DNASE1: variants seen among roughly 807,000 people sequenced by gnomAD.
The protein encoded by DNASE1 is deoxyribonuclease 1.
DNASE1 carries 40 observed loss-of-function variants against 33.9 expected under a neutral mutation model. The ratio of observed to expected loss-of-function variants is 1.18; its 90% CI spans 0.92 to 1.54. DNASE1 has a LOEUF of 1.54. DNASE1 is among the 40% of genes most tolerant of loss of function. The pLI is 0.00. For missense variants in DNASE1, 518 were observed against 372.6 expected (o/e 1.39, Z -3.21); for synonymous variants, 216 against 160.0 (o/e 1.35, Z -2.64).
downstream of DNASE1, chr16:3,658,798 C>T (rs551502208): frequency 6.8e-6 from 11 of 1,613,676 alleles, no homozygotes; most frequent in Non-Finnish European, 9.3e-6. Flanking sequence ...CTCACCTGAT[C>T]CACCAGCAGC....
At chr16:3,643,975 A>ATGGTCTCGATCTCCTGACCT (rs2042098016) in intron 1 of DNASE1, among the ~76,000 whole-genome samples, 1 of 151,656 alleles carries the variant, frequency 6.6e-6, no homozygotes, top group Non-Finnish European at 1.5e-5. Context: ...GTTAGCCAGG[A>ATGGTCTCGATCTCCTGACCT]TGTGATTTGC....
rs562614832 is a variant in DNASE1 at position 3,633,878 on chromosome 16, G to A, written c.-1358-6837G>A. On this transcript the variant is annotated intron_variant and NMD_transcript_variant, in intron 1 of 11. Transcript: ENST00000570769. ...GGCTGAAGTGCGGTGGCTCGATCTC[G>A]GCTCACTGCAAGCTCTGGATTCCGG... 5.3e-5 allele frequency among the ~76,000 whole-genome samples: 8 copies of A among 151,828 alleles called. No homozygotes were observed. The South Asian group carries it at 1.3e-3, about 24-fold the overall frequency.
At position 3,654,726 on chromosome 16, in the gene DNASE1, G is replaced by T; in HGVS notation, c.-320G>T. On this transcript the variant is annotated 5_prime_UTR_variant, in exon 1 of 9. Transcript: ENST00000246949. ...CAGCAGCAAGAAACCTGTGCTTACA[G>T]AAAGAAACACGTGCTAGCAACCCAC... is the stretch of plus-strand genomic sequence containing the variant. 1 of 394,238 alleles carries T rather than the reference G, an allele frequency of 2.5e-6. No individual in the cohort carries two copies. The highest frequency in any genetic ancestry group is 4.4e-6 in the Non-Finnish European group (1 of 225,168). 24.4% of individuals were successfully genotyped at this position (394,238 alleles called of 1,614,324 possible). A position where few individuals can be genotyped will look rare whatever the true frequency, so the allele number is the denominator to read the frequency against.
chr16:3,656,792 G>C (rs747880007), intron 5 of DNASE1, 39 bp downstream of exon 5: 4 of 1,566,100 alleles, frequency 2.6e-6, no homozygotes, highest in South Asian at 1.2e-5. Flanking sequence ...TCGGCTTGGC[G>C]CTTATGGCCT....
chr16:3,643,854 C>T (rs911967315), intron 1 of DNASE1, among the ~76,000 whole-genome samples: 6 of 152,108 alleles, frequency 3.9e-5, no homozygotes, highest in Non-Finnish European at 5.9e-5. Flanking sequence ...CTCTGCCATC[C>T]GGGTTCACGC....
downstream of DNASE1, chr16:3,659,052 G>C: frequency 1.6e-6 from 1 of 608,274 alleles, no homozygotes; most frequent in Admixed American, 3.3e-5. Context: ...AGAGAATCAG[G>C]AGTGTCAGTA....
At chr16:3,663,518 G>A (rs2050740729) in exon 10 of DNASE1, 2 of 1,614,070 alleles carry the variant, frequency 1.2e-6, no homozygotes, top group East Asian at 2.2e-5. Context: ...ACTCACGAAG[G>A]TGCAGCAGGG....
chr16:3,657,470 A>G, intron 7 of DNASE1, 129 bp downstream of exon 7: 1 of 1,350,520 alleles, frequency 7.4e-7, no homozygotes, highest in Non-Finnish European at 1.0e-6. Flanking sequence ...GATCCACTAC[A>G]GGGAACAGAA....
At position 3,644,863 on chromosome 16, in the gene DNASE1, T is replaced by A. The variant is rs2042127152; in HGVS notation, c.-86+1827T>A. Among the ~76,000 whole-genome samples the A allele has an allele frequency of 2.0e-5, 3 of 152,140 alleles. No homozygotes were observed. The South Asian group carries it at 6.2e-4, about 32-fold the overall frequency. On this transcript the variant is annotated intron_variant, in intron 1 of 9. Coordinates refer to the DNASE1 transcript ENST00000407479. ...ACATAGTGGGGCTTGGCATGGTGGC[T>A]CACGCCTGTAATCCCAGCACTTTGG...
intron 1 of DNASE1, among the ~76,000 whole-genome samples, chr16:3,637,742 C>G (rs1018627687): frequency 6.6e-6 from 1 of 152,170 alleles, no homozygotes; most frequent in Non-Finnish European, 1.5e-5. Context: ...TTTCTCTGAT[C>G]TTGACTGTGA....
intron 1 of DNASE1, among the ~76,000 whole-genome samples, chr16:3,619,918 T>C (rs1739758807): frequency 7.6e-6 from 1 of 131,494 alleles, no homozygotes; most frequent in Admixed American, 7.9e-5. Flanking sequence ...ATGGCTTTTC[T>C]TTTTTTTTTT....
chr16:3,661,060 T>C (rs1466684910), downstream of DNASE1: 3 of 152,210 alleles, frequency 2.0e-5, no homozygotes, highest in East Asian at 1.9e-4. Flanking sequence ...ACATTCAAAA[T>C]TTCCCCCAAA....
At chr16:3,623,230 T>G (rs766431870) in intron 1 of DNASE1, among the ~76,000 whole-genome samples, 1 of 152,096 alleles carries the variant, frequency 6.6e-6, no homozygotes, top group Non-Finnish European at 1.5e-5. Flanking sequence ...TTGACAAATA[T>G]GCAGTGGGGG....
At chr16:3,652,876 A>C (rs1431001034), upstream of DNASE1, 1 of 152,298 alleles carries the variant, frequency 6.6e-6, no homozygotes, top group Non-Finnish European at 1.5e-5. Flanking sequence ...CTCATACCTG[A>C]ATCCCGCCTG....
chr16:3,653,806 CAAAAAAAAAAAAAAAAAAA>C (rs71133649), upstream of DNASE1: 11 of 37,040 alleles, frequency 3.0e-4, no homozygotes, highest in African/African-American at 9.9e-4. Context: ...GATTCCGCCT[CAAAAAAAAAAAAAAAAAAA>C]AAAAAAAAAA....
Position 3,621,555 on chromosome 16 carries a change from A to G in DNASE1, c.-1359+9549A>G, listed in dbSNP as rs564793672. 6.6e-5 allele frequency among the ~76,000 whole-genome samples: 10 copies of G among 152,326 alleles called. No individual in the cohort carries two copies. The South Asian group carries it at 2.1e-3, about 32-fold the overall frequency. On this transcript the variant is annotated intron_variant and NMD_transcript_variant, in intron 1 of 11. Transcript: ENST00000570769. ...TGTGCACATACAAATATAAATATAT[A>G]TCCCTGCTTTTCCCCAATGTAAATA...
upstream of DNASE1, among the ~76,000 whole-genome samples, chr16:3,638,730 C>G (rs1020091757): frequency 3.9e-5 from 6 of 152,180 alleles, no homozygotes; most frequent in Non-Finnish European, 5.9e-5. Flanking sequence ...ATATTTCTGT[C>G]TCCTCTTTGT....
chr16:3,627,343 A>T (rs1296741467), intron 1 of DNASE1, among the ~76,000 whole-genome samples: 1 of 149,728 alleles, frequency 6.7e-6, no homozygotes, highest in Non-Finnish European at 1.5e-5. Flanking sequence ...TGGCATGATC[A>T]CGGCTCACTG....
Position 3,658,084 on chromosome 16 carries a change from G to A in DNASE1, c.*131G>A. The A allele has an allele frequency of 6.2e-7, 1 of 1,610,466 alleles. No homozygotes were observed. Among genetic ancestry groups the A allele is most frequent in the Non-Finnish European group, 8.5e-7 (1 of 1,177,086 alleles). ...ATTTAGGTAAATAAAGCTCAAGGAG[G>A]TGGGGCTGTCATCTGTGGTGTCAGT... On this transcript the variant is annotated 3_prime_UTR_variant, in exon 9 of 9. Transcript: ENST00000246949.
Sources: allele counts gnomAD v4.1 joint callset (sites outside exome capture counted in the v4.1 genomes callset), GRCh38; gene constraint gnomAD v4.1.1; transcripts MANE v1.5; gene names NCBI Gene and HGNC (gene_info 2026-07-23, HGNC 2026-07-21).